The following MXRA7 variants were observed in gnomAD, a reference collection of about 807,000 sequenced individuals.
The protein encoded by MXRA7 is matrix-remodeling-associated protein 7.
Under a neutral mutation model 17.4 loss-of-function variants are expected in MXRA7, and 18 were observed. The ratio of observed to expected loss-of-function variants is 1.03; its 90% confidence interval spans 0.71 to 1.53. MXRA7 has a LOEUF of 1.53. MXRA7 is among the 40% of genes most tolerant of loss of function. The pLI is 0.00. For missense variants in MXRA7, 141 were observed against 209.3 expected, an observed-to-expected ratio of 0.67 and a Z score of 2.01; for synonymous variants, 70 against 101.7, an observed-to-expected ratio of 0.69 and a Z score of 1.87.
chr17:76,702,875 A>ATATATATATATATATATATATACGTG (rs1567988785), intron 1 of MXRA7, among the ~76,000 whole-genome samples: 1 of 145,820 alleles, frequency 6.9e-6, no homozygotes, highest in African/African-American at 2.6e-5. Flanking sequence ...ATATATACGT[A>ATATATATATATATATATATATACGTG]TATATATATA....
At chr17:76,692,061 G>T (rs1402909073) in intron 1 of MXRA7, among the ~76,000 whole-genome samples, 1 of 152,020 alleles carries the variant, frequency 6.6e-6, no homozygotes. Context: ...TACACATTTA[G>T]ATTCTGGGCC....
intron 2 of MXRA7, among the ~76,000 whole-genome samples, chr17:76,686,161 G>A (rs2076394253): frequency 6.6e-6 from 1 of 152,202 alleles, no homozygotes. Context: ...GTGAAAGGAA[G>A]AAGGTTCTAG....
At chr17:76,682,023 A>C (rs2076312515) in intron 3 of MXRA7, among the ~76,000 whole-genome samples, 1 of 152,230 alleles carries the variant, frequency 6.6e-6, no homozygotes, top group South Asian at 2.1e-4. Context: ...GATCTTAAGC[A>C]GCAGCTGCCT....
chr17:76,702,910 AGG>A (rs2076612239), intron 1 of MXRA7, among the ~76,000 whole-genome samples: 1 of 66,064 alleles, frequency 1.5e-5, no homozygotes, highest in African/African-American at 4.9e-5. Flanking sequence ...GCCTCACCAT[AGG>A]AAGAACTTCC....
intron 1 of MXRA7, among the ~76,000 whole-genome samples, chr17:76,706,212 A>ATCACAAAGGCCCACGCTGCCG (rs1567990769): frequency 0.11 from 4,739 of 43,794 alleles, 1,203 homozygotes; most frequent in African/African-American, 0.14. Flanking sequence ...CCACGCTGCC[A>ATCACAAAGGCCCACGCTGCCG]TCACAAAGGC....
chr17:76,703,905 G>A (rs1436055906), intron 1 of MXRA7, among the ~76,000 whole-genome samples: 1 of 151,684 alleles, frequency 6.6e-6, no homozygotes, highest in Admixed American at 6.6e-5. Flanking sequence ...ATCTCATGCA[G>A]ACATTGTTTT....
chr17:76,710,571 G>T, intron 1 of MXRA7, 34 bp downstream of exon 1: 2 of 1,264,398 alleles, frequency 1.6e-6, no homozygotes, highest in Non-Finnish European at 2.0e-6. Context: ...AGCCCCGGGG[G>T]TGGGGAGGGG....
At chr17:76,677,814 G>A (rs2076253526), downstream of MXRA7, 9 of 716,034 alleles carry the variant, frequency 1.3e-5, no homozygotes, top group Non-Finnish European at 2.0e-5. Flanking sequence ...GTGTGACTGC[G>A]GTTGCTTTTC....
chr17:76,680,840 T>TCC lies in MXRA7; in HGVS notation c.*26_*27insGG. 6.2e-7 allele frequency: 1 copy of TCC among 1,608,382 alleles called. No individual in the cohort carries two copies. Among genetic ancestry groups the TCC allele is most frequent in the Non-Finnish European group, 8.5e-7 (1 of 1,177,278 alleles). ...TTTTAAGATGCCAAAAGGAAAAGCC[T>TCC]TTAGGAGGACGCTAAGGATAACTTC... On this transcript the variant is annotated 3_prime_UTR_variant, in exon 4 of 4. Coordinates refer to ENST00000449428, the MANE Select transcript of MXRA7 (RefSeq NM_198530.4).
chr17:76,709,980 G>C (rs910910348), intron 1 of MXRA7: 3 of 153,126 alleles, frequency 2.0e-5, no homozygotes, highest in East Asian at 1.9e-4. Context: ...CCGGGGGAGT[G>C]GGGGTAGGAG....
Position 76,680,487 on chromosome 17 carries a change from A to C in MXRA7, c.*380T>G. 1.0e-6 allele frequency: 1 copy of C among 1,002,864 alleles called. No individual in the cohort carries two copies. Among genetic ancestry groups the C allele is most frequent in the Non-Finnish European group, 1.2e-6 (1 of 841,502 alleles). The allele number at this position is 1,002,864 out of a possible 1,614,324, so 62.1% of individuals were successfully genotyped here. A position where few individuals can be genotyped will look rare whatever the true frequency, so the allele number is the denominator to read the frequency against. ...GGCTTCAGTGAGGGCAAAAGAGGGG[A>C]GACTGGAGTGAAAGTGAACTCTGCT... On this transcript the variant is annotated 3_prime_UTR_variant, in exon 4 of 4. Transcript: ENST00000449428.
chr17:76,699,003 G>A (rs918440995), intron 1 of MXRA7, among the ~76,000 whole-genome samples: 8 of 151,476 alleles, frequency 5.3e-5, no homozygotes, highest in Admixed American at 3.3e-4. Context: ...TTACAGGCGT[G>A]AGTCACCGCG....
chr17:76,700,900 G>A (rs901537519), intron 1 of MXRA7, among the ~76,000 whole-genome samples: 2 of 152,158 alleles, frequency 1.3e-5, no homozygotes, highest in African/African-American at 4.8e-5. Flanking sequence ...GACCGACTGC[G>A]CGGAGGCTCA....
Position 76,685,181 on chromosome 17 carries a change from C to A in MXRA7, c.407-16G>T. ...AAGCCTTCTCCTGTGGAGGGGGGAC[C>A]CAGTAAGTGCCAGGAGTGCTGTAGA... On this transcript the variant is annotated splice_polypyrimidine_tract_variant and intron_variant, in intron 2 of 3. Transcript: ENST00000449428. The A allele has an allele frequency of 6.3e-7, 1 of 1,597,732 alleles. No homozygotes were observed. Among genetic ancestry groups the A allele is most frequent in the Middle Eastern group, 1.7e-4 (1 of 6,040 alleles).
chr17:76,692,864 G>A (rs11077856), intron 1 of MXRA7, among the ~76,000 whole-genome samples: 45,187 of 151,872 alleles, frequency 0.3, 7,553 homozygotes, highest in Non-Finnish European at 0.38. Flanking sequence ...GGTCAGTGAC[G>A]GGAAAAGATT....
chr17:76,684,868 G>C (rs985454065), intron 3 of MXRA7, among the ~76,000 whole-genome samples: 7 of 152,148 alleles, frequency 4.6e-5, no homozygotes, highest in African/African-American at 1.4e-4. Context: ...GCCAGGGAGG[G>C]GTGCCAGGGG....
chr17:76,708,890 T>C (rs28648517), intron 1 of MXRA7, among the ~76,000 whole-genome samples: 19,374 of 152,130 alleles, frequency 0.13, 1,615 homozygotes, highest in African/African-American at 0.23. Context: ...TCATCCTCAC[T>C]GGCACCTATG....
chr17:76,706,227 T>G (rs77850411), intron 1 of MXRA7, among the ~76,000 whole-genome samples: 5,945 of 28,218 alleles, frequency 0.21, 496 homozygotes, highest in Middle Eastern at 0.34. Context: ...AAAGGCCCAC[T>G]CTGCCGTCAC....
In MXRA7 at chr17:76,710,928, G is replaced by C; in HGVS notation, c.19C>G (p.Leu7Val). 1.0e-6 allele frequency: 1 copy of C among 998,000 alleles called. No homozygotes were observed. The highest frequency in any genetic ancestry group is 1.2e-6 in the Non-Finnish European group (1 of 841,332). The allele number at this position is 998,000 out of a possible 1,614,324, so 61.8% of individuals were successfully genotyped here. MEAPAE[L>V]LAALPALATA... is the part of the protein sequence containing the mutation. The stretch of plus-strand genomic sequence containing the variant: ...GCCAGCGCAGGCAGCGCGGCCAGTA[G>C]CTCGGCCGGCGCCTCCATCGCGCCG... Residue 7 changes from leucine to valine, a missense_variant, in exon 1 of 4, where the codon CTA (leucine) becomes GTA (valine). Physicochemically the swap from Leu to Val is conservative, Grantham distance 32 (BLOSUM62 1). This residue lies in a region of MXRA7 where 72 missense variants were observed against 111.9 expected (regional missense o/e 0.64). Transcript: ENST00000449428.
Sources: gnomAD v4.1 joint callset for allele counts (sites outside exome capture counted in the v4.1 genomes callset) on GRCh38, gnomAD v4.1.1 for gene constraint, gnomAD v4.1.1 regional missense constraint, MANE v1.5 for transcripts, NCBI Gene and HGNC (gene_info 2026-07-23, HGNC 2026-07-21) for gene names.